MRM3: variants seen among roughly 807,000 people sequenced by gnomAD.
The protein encoded by MRM3 is mitochondrial rRNA methyltransferase 3.
In MRM3, 26 loss-of-function variants were observed where a neutral mutation model predicts 29.4. The observed-to-expected ratio is 0.89, with a 90% CI of 0.65 to 1.23. MRM3 has a LOEUF of 1.23. MRM3 is among the 50% of genes most tolerant of loss of function. MRM3 has a pLI of 0.00. For synonymous variants in MRM3, 225 were observed against 219.0 expected (o/e 1.03, Z -0.24); for missense variants, 578 against 540.2 (o/e 1.07, Z -0.69).
chr17:782,864 C>T (rs1910222906), intron 1 of MRM3, among the ~76,000 whole-genome samples, 172 bp downstream of exon 1: 1 of 152,196 alleles, frequency 6.6e-6, no homozygotes, highest in Non-Finnish European at 1.5e-5. Context: ...CTCCTTAGCT[C>T]TTTGTTGTTG....
At chr17:786,624 TGGTCTC>T (rs909282171) in intron 2 of MRM3, among the ~76,000 whole-genome samples, 6 of 152,096 alleles carry the variant, frequency 3.9e-5, no homozygotes, top group Admixed American at 1.3e-4. Context: ...TTGTTCAGGC[TGGTCTC>T]AAACTCCTGA....
At chr17:783,588 C>T (rs189106318) in intron 2 of MRM3, 3 of 316,082 alleles carry the variant, frequency 9.5e-6, no homozygotes, top group African/African-American at 4.2e-5. Context: ...CCTCCTGCCT[C>T]GGCCTCCCAA....
chr17:782,405 G>T lies in MRM3; in HGVS notation c.27G>T (p.Arg9Ser), dbSNP rs762423522. ...TGGCGGCGCTGGTGAGACCCGCGAG[G>T]TTTGTCGTGCGACCGTTGCTGCAGG... is the stretch of plus-strand genomic sequence containing the variant. MAALVRPA[R>S]FVVRPLLQVV... is the part of the protein sequence containing the mutation. The change falls in exon 1 of 4, where the codon AGG becomes AGT. Residue 9 changes from arginine to serine, a missense_variant. Transcript: ENST00000304478. 5 of 1,613,772 alleles carry T rather than the reference G, an allele frequency of 3.1e-6. No individual in the cohort carries two copies. Among genetic ancestry groups the T allele is most frequent in the Non-Finnish European group, 4.2e-6 (5 of 1,179,958 alleles).
At position 787,776 on chromosome 17, in the gene MRM3, T is replaced by G. The variant is rs2144524253; in HGVS notation, c.560-189T>G. Among the ~76,000 whole-genome samples, 1 of 152,360 alleles carries G rather than the reference T, an allele frequency of 6.6e-6. No homozygotes were observed. The highest frequency in any genetic ancestry group is 1.9e-4 in the East Asian group (1 of 5,194). On this transcript the variant is annotated intron_variant, in intron 2 of 3. Coordinates refer to ENST00000304478, the MANE Select transcript of MRM3 (RefSeq NM_018146.4). This position sits in a 1 kb window ranked among gnomAD's most constrained non-coding sequence, Gnocchi z 4.1. ...GTTGGCCAGGCTGGTCTCGGACTCCTGACCTCAGGTGATCCACCCGCCTTG... is the reference window on the plus strand; with the variant it reads ...GTTGGCCAGGCTGGTCTCGGACTCCGGACCTCAGGTGATCCACCCGCCTTG...
In MRM3 at chr17:783,345, G is replaced by GTA; in HGVS notation, c.559+20_559+21dup. On this transcript the variant is annotated intron_variant, in intron 2 of 3. Coordinates refer to ENST00000304478, the MANE Select transcript of MRM3 (RefSeq NM_018146.4). Reference sequence around the variant, plus strand: ...AATAATGGGTTAGTGATTACCCAGTGTATCTTTTTTTTTTTTTGTCTTGTT... The same window carrying GTA: ...AATAATGGGTTAGTGATTACCCAGTGTATATCTTTTTTTTTTTTTGTCTTGTT... 3 of 1,462,874 alleles carry GTA rather than the reference G, an allele frequency of 2.1e-6. No homozygotes were observed. Among genetic ancestry groups the GTA allele is most frequent in the African/African-American group, 1.9e-5 (1 of 52,762 alleles). 90.6% of individuals were successfully genotyped at this position (1,462,874 alleles called of 1,614,324 possible).
At chr17:791,071 T>G (rs1910797764) in intron 3 of MRM3, among the ~76,000 whole-genome samples, 1 of 152,170 alleles carries the variant, frequency 6.6e-6, no homozygotes, top group Non-Finnish European at 1.5e-5. Flanking sequence ...TCCCGCTTCC[T>G]CTCCTAGCTC....
At chr17:785,951 A>C (rs547601692) in intron 2 of MRM3, among the ~76,000 whole-genome samples, 1 of 152,364 alleles carries the variant, frequency 6.6e-6, no homozygotes, top group East Asian at 1.9e-4. Context: ...AGAAGATCGC[A>C]GTCAGTCAGT....
chr17:782,735 C>A, intron 1 of MRM3, 43 bp downstream of exon 1: 2 of 1,550,444 alleles, frequency 1.3e-6, no homozygotes. Context: ...CGTTTCCCTT[C>A]CCGTCGCACA....
rs750093342 is a variant in MRM3, at chr17:783,347, A to AT, written c.559+21dup. ...TAATGGGTTAGTGATTACCCAGTGTATCTTTTTTTTTTTTTGTCTTGTTCT... is the reference window on the plus strand; with the variant it reads ...TAATGGGTTAGTGATTACCCAGTGTATTCTTTTTTTTTTTTTGTCTTGTTCT... On this transcript the variant is annotated intron_variant, in intron 2 of 3. Coordinates refer to ENST00000304478, the MANE Select transcript of MRM3 (RefSeq NM_018146.4). The AT allele has an allele frequency of 2.8e-6, 4 of 1,444,910 alleles. No homozygotes were observed. Among genetic ancestry groups the AT allele is most frequent in the Admixed American group, 2.5e-5 (1 of 40,308 alleles). 89.5% of individuals were successfully genotyped at this position (1,444,910 alleles called of 1,614,324 possible).
In MRM3 at chr17:792,188, C is replaced by T. The variant is rs553142570; in HGVS notation, c.*119C>T. 83 of 960,066 alleles carry T rather than the reference C, an allele frequency of 8.6e-5. No individual in the cohort carries two copies. The East Asian group carries it at 1.2e-3, about 14-fold the overall frequency. The allele number at this position is 960,066 out of a possible 1,614,324, so 59.5% of individuals were successfully genotyped here. ...CACGTTCAGGAGGAAGGTGTGATGC[C>T]GTCATACAGTTACAGGAAAAATAAG... On this transcript the variant is annotated 3_prime_UTR_variant, in exon 4 of 4. Transcript: ENST00000304478.
chr17:783,448 T>G (rs62069961), intron 2 of MRM3, 121 bp downstream of exon 2: 12 of 994,130 alleles, frequency 1.2e-5, no homozygotes, highest in Non-Finnish European at 1.7e-5. Context: ...GGGATTCTCT[T>G]GCCTCAGCCT....
At position 782,512 on chromosome 17, in the gene MRM3, G is replaced by C. The variant is rs2249542; in HGVS notation, c.134G>C (p.Gly45Ala). ...RSPVKVVFPSGEVVEQKRAPG... is the reference protein window; with the variant it reads ...RSPVKVVFPSAEVVEQKRAPG... ...CCAGTGAAAGTGGTGTTTCCTTCCG[G>C]AGAGGTGGTGGAACAGAAGCGCGCT... The change falls in exon 1 of 4, where the codon GGA becomes GCA. Residue 45 changes from glycine to alanine, a missense_variant. Gly to Ala is a moderately conservative substitution (Grantham distance 60). Transcript: ENST00000304478. 6.2e-7 allele frequency: 1 copy of C among 1,613,266 alleles called. No individual in the cohort carries two copies. The highest frequency in any genetic ancestry group is 8.5e-7 in the Non-Finnish European group (1 of 1,179,324).
At position 783,134 on chromosome 17, in the gene MRM3, G is replaced by A. The variant is rs1910270896; in HGVS notation, c.366G>A (p.Lys122=). 6.2e-7 allele frequency: 1 copy of A among 1,613,860 alleles called. No homozygotes were observed. Among genetic ancestry groups the A allele is most frequent in the Non-Finnish European group, 8.5e-7 (1 of 1,180,002 alleles). The change falls in exon 2 of 4, where the codon AAG becomes AAA. Residue 122 remains lysine, a synonymous_variant. Coordinates refer to ENST00000304478, the MANE Select transcript of MRM3 (RefSeq NM_018146.4). ...GGCCATTTCGGGAAAAACAAGGGAA[G>A]ATCCTGCTGGAAGGTCGCAGGCTCA... ...KSRPFREKQG[K]ILLEGRRLIS... is the part of the protein sequence containing the mutation.
At position 788,006 on chromosome 17, in the gene MRM3, AAG is replaced by A; in HGVS notation, c.603_604del (p.Lys201AsnfsTer14). ...TGACCATGTTAAGATGACATATCCAAAGACTCAGCTTCAGCATTCACTGCCTT... is the reference window on the plus strand; with the variant it reads ...TGACCATGTTAAGATGACATATCCAAACTCAGCTTCAGCATTCACTGCCTT... Reference protein sequence around the residue: ...KPDHVKMTYPKTQLQHSLPLL... With the variant: ...KPDHVKMTYPXTQLQHSLPLL... On this transcript the variant is annotated frameshift_variant, in exon 3 of 4. Transcript: ENST00000304478. LOFTEE classifies it high-confidence loss of function. The A allele has an allele frequency of 1.2e-6, 2 of 1,614,146 alleles. No individual in the cohort carries two copies. The highest frequency in any genetic ancestry group is 1.7e-6 in the Non-Finnish European group (2 of 1,180,016).
Position 788,138 on chromosome 17 carries a change from G to T in MRM3, c.727+6G>T. The T allele has an allele frequency of 6.2e-7, 1 of 1,613,890 alleles. No homozygotes were observed. The highest frequency in any genetic ancestry group is 8.5e-7 in the Non-Finnish European group (1 of 1,179,898). On this transcript the variant is annotated splice_donor_region_variant and intron_variant, in intron 3 of 3. Coordinates refer to ENST00000304478, the MANE Select transcript of MRM3 (RefSeq NM_018146.4). ...CAAAGTGTTACTCACCAAAGGTAAGGACATCAAAGGCCAGGCATAGTGGCT... is the reference window on the plus strand; with the variant it reads ...CAAAGTGTTACTCACCAAAGGTAAGTACATCAAAGGCCAGGCATAGTGGCT...
chr17:791,645 C>G lies in MRM3; in HGVS notation c.839C>G (p.Pro280Arg). 6.2e-7 allele frequency: 1 copy of G among 1,614,244 alleles called. No homozygotes were observed. The highest frequency in any genetic ancestry group is 8.5e-7 in the Non-Finnish European group (1 of 1,180,048). ...GAAACCGTGCCCAATTACCTGCCCC[C>G]TGACACTCGGGTCTATGTGGCTGAC... ...EWETVPNYLP[P>R]DTRVYVADNC... The change falls in exon 4 of 4, where the codon CCT (proline) becomes CGT (arginine). Residue 280 changes from proline (P) to arginine (R), a missense_variant. Coordinates refer to ENST00000304478, the MANE Select transcript of MRM3 (RefSeq NM_018146.4).
In MRM3 at chr17:783,098, A is replaced by G; in HGVS notation, c.330A>G (p.Ile110Met). ...CCATCTACAGCAGTGTAATGACAAT[A>G]GTAAAGTCCAGGCCATTTCGGGAAA... is the stretch of plus-strand genomic sequence containing the variant. ...GDRRLSSVMTIVKSRPFREKQ... is the reference protein window; with the variant it reads ...GDRRLSSVMTMVKSRPFREKQ... The change falls in exon 2 of 4, where the codon ATA becomes ATG. Residue 110 changes from isoleucine to methionine, a missense_variant. Ile to Met is a conservative substitution (Grantham distance 10, BLOSUM62 1). Transcript: ENST00000304478. 2 of 1,613,058 alleles carry G rather than the reference A, an allele frequency of 1.2e-6. No homozygotes were observed. The highest frequency in any genetic ancestry group is 2.2e-5 in the South Asian group (2 of 91,064).
rs761268265 is a variant in MRM3, at chr17:788,043, T to C, written c.638T>C (p.Ile213Thr). The change falls in exon 3 of 4, where the codon ATT becomes ACT. Residue 213 changes from isoleucine to threonine, a missense_variant. Physicochemically the swap from Ile to Thr is moderately conservative, Grantham distance 89 (BLOSUM62 -1). Coordinates refer to ENST00000304478, the MANE Select transcript of MRM3 (RefSeq NM_018146.4). ...CAGCATTCACTGCCTTTATTATTGA[T>C]TTGTGACAATCTCCGTGACCCTGGG... ...QLQHSLPLLL[I>T]CDNLRDPGNL... is the part of the protein sequence containing the mutation. 2 of 1,614,176 alleles carry C rather than the reference T, an allele frequency of 1.2e-6. No individual in the cohort carries two copies. The highest frequency in any genetic ancestry group is 2.2e-5 in the South Asian group (2 of 91,086).
At chr17:790,207 G>T in intron 3 of MRM3, 1 of 152,532 alleles carries the variant, frequency 6.6e-6, no homozygotes, top group Non-Finnish European at 1.5e-5. Flanking sequence ...CACTCTCCCA[G>T]CCCGCCCGTG....
Sources: allele counts gnomAD v4.1 joint callset (sites outside exome capture counted in the v4.1 genomes callset), GRCh38; gene constraint gnomAD v4.1.1; non-coding constraint Gnocchi (gnomAD v3.1); transcripts MANE v1.5; gene names NCBI Gene and HGNC (gene_info 2026-07-23, HGNC 2026-07-21).